TAMM41: variants seen among roughly 807,000 people sequenced by gnomAD.
TAMM41 encodes phosphatidate cytidylyltransferase, mitochondrial.
In TAMM41, 36 loss-of-function variants were observed where a neutral mutation model predicts 44.1. The ratio of observed to expected loss-of-function variants is 0.82; its 90% CI spans 0.63 to 1.08. TAMM41 has a LOEUF of 1.08. TAMM41 is among the 50% of genes least tolerant of loss of function. TAMM41 has a pLI of 0.00. For synonymous variants in TAMM41, 164 were observed against 153.1 expected, an observed-to-expected ratio of 1.07 and a Z score of -0.53; for missense variants, 417 against 404.3, an observed-to-expected ratio of 1.03 and a Z score of -0.27.
chr3:11,841,239 C>T (rs761960217), intron 2 of TAMM41, among the ~76,000 whole-genome samples: 1 of 151,984 alleles, frequency 6.6e-6, no homozygotes, highest in South Asian at 2.1e-4. Context: ...TGCACCATCA[C>T]ACCTGACTAA....
intron 1 of TAMM41, 59 bp downstream of exon 1, chr3:11,846,443 G>T: frequency 6.2e-7 from 1 of 1,604,428 alleles, no homozygotes; most frequent in South Asian, 1.1e-5. Flanking sequence ...AAGGAATCGA[G>T]GGCAAAACGG....
chr3:11,819,097 G>A (rs1022268745), intron 4 of TAMM41, among the ~76,000 whole-genome samples: 4 of 152,046 alleles, frequency 2.6e-5, no homozygotes, highest in Non-Finnish European at 5.9e-5. Flanking sequence ...TGCTAATGAG[G>A]AGGTTGAGAA....
At chr3:11,824,504 G>T (rs1265244868) in intron 4 of TAMM41, among the ~76,000 whole-genome samples, 1 of 151,392 alleles carries the variant, frequency 6.6e-6, no homozygotes, top group African/African-American at 2.4e-5. Flanking sequence ...ATGTTGGCCA[G>T]GTTGGTCTCG....
At chr3:11,811,138 GAGA>G (rs2078075358) in intron 5 of TAMM41, 2 of 152,088 alleles carry the variant, frequency 1.3e-5, no homozygotes, top group African/African-American at 4.8e-5. Context: ...ACTCTATGAA[GAGA>G]AGGAGAAAAA....
At chr3:11,753,731 C>T in the TAMM41 span, among the ~76,000 whole-genome samples, 69 of 149,724 alleles carry the variant, frequency 4.6e-4, 1 homozygote, top group African/African-American at 1.7e-3. Flanking sequence ...AGCAAGACTC[C>T]GTCTCAAAAA....
chr3:11,807,163 A>G, intron 7 of TAMM41: 1 of 1,326,226 alleles, frequency 7.5e-7, no homozygotes, highest in Non-Finnish European at 9.6e-7. Context: ...TAGAGGGGAC[A>G]GCGAAGACAC....
At chr3:11,799,694 TC>T (rs1338564824) in intron 7 of TAMM41, among the ~76,000 whole-genome samples, 1 of 152,054 alleles carries the variant, frequency 6.6e-6, no homozygotes, top group East Asian at 1.9e-4. Context: ...AATGAAAGCT[TC>T]CCAAGTCTAG....
the TAMM41 span, among the ~76,000 whole-genome samples, chr3:11,775,043 T>C: frequency 6.6e-6 from 1 of 152,062 alleles, no homozygotes; most frequent in African/African-American, 2.4e-5. Context: ...CTAATTTTTG[T>C]ATTTTTAGTA....
chr3:11,840,241 T>G (rs1270532853), intron 2 of TAMM41, among the ~76,000 whole-genome samples: 1 of 151,434 alleles, frequency 6.6e-6, no homozygotes, highest in East Asian at 1.9e-4. Context: ...AACTCATTTT[T>G]TTTTTTTTTA....
At chr3:11,840,442 C>A (rs2079384907) in intron 2 of TAMM41, among the ~76,000 whole-genome samples, 1 of 152,024 alleles carries the variant, frequency 6.6e-6, no homozygotes, top group African/African-American at 2.4e-5. Context: ...ATCCTGTTGG[C>A]CAGGCTGGTC....
chr3:11,836,149 C>T (rs2079166305), intron 3 of TAMM41, among the ~76,000 whole-genome samples: 1 of 151,984 alleles, frequency 6.6e-6, no homozygotes. Flanking sequence ...TGCCGCAACG[C>T]CCAGTTAATT....
intron 6 of TAMM41, chr3:11,808,408 C>A: frequency 1.0e-6 from 1 of 989,628 alleles, no homozygotes; most frequent in Non-Finnish European, 1.2e-6. Flanking sequence ...TCGTACAGAG[C>A]TATCTTCAGG....
chr3:11,786,396 C>T (rs1196619034), downstream of TAMM41, among the ~76,000 whole-genome samples: 1 of 151,592 alleles, frequency 6.6e-6, no homozygotes, highest in Admixed American at 6.6e-5. Context: ...CCTCCACCTC[C>T]CAGGTTCAAG....
the TAMM41 span, among the ~76,000 whole-genome samples, chr3:11,724,008 G>A: frequency 2.0e-5 from 3 of 151,562 alleles, no homozygotes; most frequent in Non-Finnish European, 4.4e-5. Context: ...GGATGGGGGG[G>A]GGTGACACTA....
the TAMM41 span, among the ~76,000 whole-genome samples, chr3:11,755,711 A>C: frequency 6.6e-6 from 1 of 152,158 alleles, no homozygotes; most frequent in African/African-American, 2.4e-5. Context: ...CCAAGCTCAC[A>C]GTGCCACAAA....
intron 3 of TAMM41, among the ~76,000 whole-genome samples, chr3:11,838,632 C>T (rs560368454): frequency 2.0e-5 from 3 of 152,330 alleles, no homozygotes; most frequent in African/African-American, 2.4e-5. Context: ...TGGAGCGCCA[C>T]GACTTCTCCG....
chr3:11,772,422 T>C, the TAMM41 span, among the ~76,000 whole-genome samples: 1 of 152,160 alleles, frequency 6.6e-6, no homozygotes. Flanking sequence ...ATGTACCTAT[T>C]GTTTAGCTGT....
chr3:11,846,262 T>C (rs1033404845), intron 1 of TAMM41, among the ~76,000 whole-genome samples: 3 of 152,232 alleles, frequency 2.0e-5, no homozygotes, highest in Non-Finnish European at 4.4e-5. Context: ...GCAGCAGTTT[T>C]TCCTTCTGCC....
chr3:11,784,173 G>A, the TAMM41 span, among the ~76,000 whole-genome samples: 1 of 152,174 alleles, frequency 6.6e-6, no homozygotes, highest in Non-Finnish European at 1.5e-5. Flanking sequence ...AGTAAAGGGA[G>A]AAAGATGCCG....
Sources: gnomAD v4.1 joint callset for allele counts (sites outside exome capture counted in the v4.1 genomes callset) on GRCh38, gnomAD v4.1.1 for gene constraint, MANE v1.5 for transcripts, NCBI Gene and HGNC (gene_info 2026-07-23, HGNC 2026-07-21) for gene names.